CADM2: variants seen among roughly 807,000 people sequenced by gnomAD.
The protein encoded by CADM2 is cell adhesion molecule 2, also known as immunoglobulin superfamily member 4D.
CADM2 carries 12 observed loss-of-function variants against 49.8 expected under a neutral mutation model. The ratio of observed to expected loss-of-function variants is 0.24; its 90% CI spans 0.15 to 0.39. CADM2 has a LOEUF of 0.39. Ranked by LOEUF, CADM2 falls within the 10% of genes least tolerant of loss-of-function variation. The pLI is 1.00. For synonymous variants in CADM2, 214 were observed against 175.4 expected (o/e 1.22, Z -1.74); for missense variants, 378 against 492.3 (o/e 0.77, Z 2.20).
intron 1 of CADM2, among the ~76,000 whole-genome samples, chr3:85,393,067 C>T (rs906432973): frequency 2.9e-5 from 4 of 140,340 alleles, no homozygotes; most frequent in African/African-American, 1.1e-4. Context: ...AAGAGAAAAC[C>T]TGGAGGCAAA....
intron 8 of CADM2, among the ~76,000 whole-genome samples, chr3:86,050,214 G>A (rs1423574435): frequency 2.0e-5 from 3 of 152,212 alleles, no homozygotes; most frequent in Admixed American, 6.5e-5. Context: ...TGGAAACCAA[G>A]CAGGGCAGTC....
At chr3:85,235,084 C>G (rs2107822081) in intron 1 of CADM2, among the ~76,000 whole-genome samples, 1 of 152,172 alleles carries the variant, frequency 6.6e-6, no homozygotes, top group South Asian at 2.1e-4. Context: ...GACTCTTCCT[C>G]TGTCATCCTC....
rs200698014 is a variant in CADM2 at position 85,311,382 on chromosome 3, A to T, written c.61+351714A>T. Among the ~76,000 whole-genome samples the T allele has an allele frequency of 6.4e-3, 944 of 148,030 alleles. 4 individuals carry two copies. The highest frequency in any genetic ancestry group is 0.014 in the Middle Eastern group (4 of 276). On this transcript the variant is annotated intron_variant, in intron 1 of 9. Transcript: ENST00000383699. ...ATTTATATTTATTATTATTATTATTATTATTTTTTTTGAAACGGAGTCTCG... is the reference window on the plus strand; with the variant it reads ...ATTTATATTTATTATTATTATTATTTTTATTTTTTTTGAAACGGAGTCTCG...
At chr3:85,169,702 A>T (rs2040568808) in intron 1 of CADM2, among the ~76,000 whole-genome samples, 1 of 152,112 alleles carries the variant, frequency 6.6e-6, no homozygotes, top group African/African-American at 2.4e-5. Flanking sequence ...TACCCTGGAG[A>T]CGAAGGTTGC....
chr3:85,620,740 A>G (rs2063949866), intron 1 of CADM2, among the ~76,000 whole-genome samples: 1 of 152,150 alleles, frequency 6.6e-6, no homozygotes, highest in Admixed American at 6.6e-5. Flanking sequence ...ACACAAAGCA[A>G]TAGTCCTGAG....
chr3:85,749,401 C>T (rs906379349), intron 2 of CADM2, among the ~76,000 whole-genome samples: 1 of 151,872 alleles, frequency 6.6e-6, no homozygotes, highest in Non-Finnish European at 1.5e-5. Flanking sequence ...AATTATTCTT[C>T]AGTTATCTTT....
intron 8 of CADM2, among the ~76,000 whole-genome samples, chr3:85,995,564 A>G (rs969126284): frequency 6.6e-6 from 1 of 152,198 alleles, no homozygotes; most frequent in Non-Finnish European, 1.5e-5. Context: ...TCTGCATCGT[A>G]TTCTAAGTGA....
At chr3:85,659,419 A>C (rs2065326938) in intron 1 of CADM2, among the ~76,000 whole-genome samples, 1 of 152,042 alleles carries the variant, frequency 6.6e-6, no homozygotes, top group African/African-American at 2.4e-5. Context: ...ACAAGGAAAT[A>C]TTTCAATAAA....
chr3:85,190,088 G>A lies in CADM2; in HGVS notation c.61+230420G>A, dbSNP rs117845627. On this transcript the variant is annotated intron_variant, in intron 1 of 9. Coordinates refer to ENST00000383699, the MANE Select transcript of CADM2 (RefSeq NM_001167675.2). Reference sequence around the variant, plus strand: ...TCCAGCCTTTCATAACCTAATCTCCGAAATGAAATCTGTTATTTTGACATA... The same window carrying A: ...TCCAGCCTTTCATAACCTAATCTCCAAAATGAAATCTGTTATTTTGACATA... Among the ~76,000 whole-genome samples the A allele has an allele frequency of 1.9e-3, 286 of 150,080 alleles. 10 individuals carry two copies. In the East Asian group the frequency reaches 0.05, roughly 26 times the overall value.
chr3:86,039,935 T>C (rs1735653088), intron 8 of CADM2, among the ~76,000 whole-genome samples: 2 of 152,130 alleles, frequency 1.3e-5, no homozygotes, highest in South Asian at 4.1e-4. Context: ...CAATATCCGC[T>C]GGTCTGCAGC....
intron 1 of CADM2, among the ~76,000 whole-genome samples, chr3:85,424,603 G>T (rs930395651): frequency 6.6e-6 from 1 of 152,064 alleles, no homozygotes; most frequent in South Asian, 2.1e-4. Flanking sequence ...TGTTCAAGAA[G>T]AGTTGTTAGA....
At chr3:85,237,210 C>T (rs2042427742) in intron 1 of CADM2, among the ~76,000 whole-genome samples, 2 of 151,696 alleles carry the variant, frequency 1.3e-5, no homozygotes, top group Non-Finnish European at 2.9e-5. Flanking sequence ...ATAGGAGGGA[C>T]AGAATAAGGG....
intron 7 of CADM2, among the ~76,000 whole-genome samples, chr3:85,939,866 C>A (rs1253429106): frequency 6.7e-6 from 1 of 148,610 alleles, no homozygotes; most frequent in Non-Finnish European, 1.5e-5. Flanking sequence ...AGAATTTAAT[C>A]TTTAGGAAGA....
chr3:85,502,683 CCTT>C (rs1374270300), intron 1 of CADM2, among the ~76,000 whole-genome samples: 1 of 152,064 alleles, frequency 6.6e-6, no homozygotes, highest in African/African-American at 2.4e-5. Context: ...TGATGAATTA[CCTT>C]ATTATAGCTG....
At chr3:85,398,150 TC>T (rs1263639769) in intron 1 of CADM2, among the ~76,000 whole-genome samples, 2 of 150,886 alleles carry the variant, frequency 1.3e-5, no homozygotes, top group East Asian at 4.0e-4. Context: ...ATGCTTTCCC[TC>T]CCCCCTTCCC....
chr3:85,534,538 C>T (rs1217419286), intron 1 of CADM2, among the ~76,000 whole-genome samples: 1 of 152,134 alleles, frequency 6.6e-6, no homozygotes, highest in Non-Finnish European at 1.5e-5. Flanking sequence ...GCAACACAGT[C>T]ACACTCTTCT....
At chr3:86,062,444 C>A (rs753938060) in intron 8 of CADM2, among the ~76,000 whole-genome samples, 2 of 151,970 alleles carry the variant, frequency 1.3e-5, no homozygotes, top group Non-Finnish European at 2.9e-5. Context: ...AGTAAAGCTT[C>A]CCCCACCCCC....
chr3:85,304,802 A>C (rs1272151789), intron 1 of CADM2, among the ~76,000 whole-genome samples: 2 of 151,728 alleles, frequency 1.3e-5, no homozygotes, highest in Non-Finnish European at 3.0e-5. Flanking sequence ...ATTACTATTT[A>C]TTATCATGCA....
At chr3:85,293,749 TA>T (rs1420741844) in intron 1 of CADM2, among the ~76,000 whole-genome samples, 6 of 149,268 alleles carry the variant, frequency 4.0e-5, no homozygotes, top group African/African-American at 1.5e-4. Context: ...CCCTTCATGC[TA>T]AAAACTCTCA....
Sources: gnomAD v4.1 joint callset for allele counts (sites outside exome capture counted in the v4.1 genomes callset) on GRCh38, gnomAD v4.1.1 for gene constraint, MANE v1.5 for transcripts, NCBI Gene and HGNC (gene_info 2026-07-23, HGNC 2026-07-21) for gene names.